Variants in SMO observed in about 807,000 individuals in gnomAD.
The protein encoded by SMO is smoothened, frizzled class receptor.
Under a neutral mutation model 81.6 loss-of-function variants are expected in SMO, and 40 were observed. The ratio of observed to expected loss-of-function variants is 0.49; its 90% CI spans 0.38 to 0.64. SMO has a LOEUF of 0.64. SMO is among the 30% of genes least tolerant of loss of function. The pLI is 0.00. For synonymous variants in SMO, 434 were observed against 432.1 expected (o/e 1.00, Z -0.05); for missense variants, 916 against 1,061.1 (o/e 0.86, Z 1.90).
At position 129,189,607 on chromosome 7, in the gene SMO, G is replaced by T; in HGVS notation, c.331+125G>T. On this transcript the variant is annotated intron_variant, in intron 1 of 11. Coordinates refer to ENST00000249373, the MANE Select transcript of SMO (RefSeq NM_005631.5). This position sits in a 1 kb window ranked among gnomAD's most constrained non-coding sequence, Gnocchi z 4.7. Reference sequence around the variant, plus strand: ...GGGGACAGCACCCGGGAGAGTTGGAGGGACAGATCCCGAAACTTTGGGGGC... The same window carrying T: ...GGGGACAGCACCCGGGAGAGTTGGATGGACAGATCCCGAAACTTTGGGGGC... 1 of 1,075,714 alleles carries T rather than the reference G, an allele frequency of 9.3e-7. No homozygotes were observed. Among genetic ancestry groups the T allele is most frequent in the South Asian group, 1.6e-5 (1 of 63,924 alleles). The allele number at this position is 1,075,714 out of a possible 1,614,324, so 66.6% of individuals were successfully genotyped here.
At position 129,210,621 on chromosome 7, in the gene SMO, G is replaced by A; in HGVS notation, c.1652+73G>A. ...CCTTGGGACCCCATCTTTAGGTTTT[G>A]TCGGGTCCTGCCTCTAGCACAGCCT... On this transcript the variant is annotated intron_variant, in intron 9 of 11. Coordinates refer to ENST00000249373, the MANE Select transcript of SMO (RefSeq NM_005631.5). This position sits in a 1 kb window ranked among gnomAD's most constrained non-coding sequence, Gnocchi z 4.7. 1 of 1,251,990 alleles carries A rather than the reference G, an allele frequency of 8.0e-7. No individual in the cohort carries two copies. The highest frequency in any genetic ancestry group is 1.2e-6 in the Non-Finnish European group (1 of 868,192). The allele number at this position is 1,251,990 out of a possible 1,614,324, so 77.6% of individuals were successfully genotyped here. A position where few individuals can be genotyped will look rare whatever the true frequency, so the allele number is the denominator to read the frequency against.
chr7:129,198,792 G>C (rs1793621341), intron 1 of SMO, among the ~76,000 whole-genome samples: 1 of 152,172 alleles, frequency 6.6e-6, no homozygotes, highest in African/African-American at 2.4e-5. Flanking sequence ...ATACCATCCA[G>C]GTTTGTGTAA....
Position 129,210,353 on chromosome 7 carries a change from C to T in SMO, c.1467-10C>T. ...GGAAAGCCTCACCTGTCTACGTTCC[C>T]TCACTGTAGATGTCAGGCCAATGTG... is the stretch of plus-strand genomic sequence containing the variant. On this transcript the variant is annotated splice_polypyrimidine_tract_variant and intron_variant, in intron 8 of 11. Transcript: ENST00000249373. This position sits in a 1 kb window ranked among gnomAD's most constrained non-coding sequence, Gnocchi z 4.7. 6.2e-7 allele frequency: 1 copy of T among 1,608,314 alleles called. No homozygotes were observed. Among genetic ancestry groups the T allele is most frequent in the Non-Finnish European group, 8.5e-7 (1 of 1,174,742 alleles).
At chr7:129,204,157 A>T (rs1401965073) in intron 2 of SMO, among the ~76,000 whole-genome samples, 1 of 151,872 alleles carries the variant, frequency 6.6e-6, no homozygotes, top group South Asian at 2.1e-4. Flanking sequence ...ACGTGGCAAA[A>T]CCCTGTCTCT....
Position 129,210,871 on chromosome 7 carries a change from C to A in SMO, c.1653-94C>A, listed in dbSNP as rs1793857620. 1.4e-6 allele frequency: 2 copies of A among 1,424,080 alleles called. No homozygotes were observed. The highest frequency in any genetic ancestry group is 4.6e-5 in the East Asian group (2 of 43,224). The allele number at this position is 1,424,080 out of a possible 1,614,324, so 88.2% of individuals were successfully genotyped here. On this transcript the variant is annotated intron_variant, in intron 9 of 11. Coordinates refer to ENST00000249373, the MANE Select transcript of SMO (RefSeq NM_005631.5). This position sits in a 1 kb window ranked among gnomAD's most constrained non-coding sequence, Gnocchi z 4.7. ...AGGACTTGAGGCCCTTGGGAGCCTCCTTCTCTGGAAAGAATGGCATCGCTG... is the reference window on the plus strand; with the variant it reads ...AGGACTTGAGGCCCTTGGGAGCCTCATTCTCTGGAAAGAATGGCATCGCTG...
rs1793846935 is a variant in SMO at position 129,210,244 on chromosome 7, G to A, written c.1467-119G>A. 1.3e-6 allele frequency: 1 copy of A among 772,018 alleles called. No homozygotes were observed. The highest frequency in any genetic ancestry group is 2.1e-6 in the Non-Finnish European group (1 of 466,126). The allele number at this position is 772,018 out of a possible 1,614,324, so 47.8% of individuals were successfully genotyped here. A position where few individuals can be genotyped will look rare whatever the true frequency, so the allele number is the denominator to read the frequency against. On this transcript the variant is annotated intron_variant, in intron 8 of 11. Transcript: ENST00000249373. The surrounding 1 kb of genome is among the most constrained non-coding windows in gnomAD (Gnocchi z 4.7). ...TGCCTGAGCCCAGGAGTTGGAAGCT[G>A]CAGTGGGTTGTGATCACGCCACCGC...
At chr7:129,201,585 TC>T (rs1433567256) in intron 1 of SMO, among the ~76,000 whole-genome samples, 1 of 152,162 alleles carries the variant, frequency 6.6e-6, no homozygotes, top group Non-Finnish European at 1.5e-5. Flanking sequence ...TGTAGGCAAA[TC>T]CTGCCCTCAC....
chr7:129,204,246 T>A (rs1793720850), intron 2 of SMO, among the ~76,000 whole-genome samples: 1 of 151,954 alleles, frequency 6.6e-6, no homozygotes, highest in Non-Finnish European at 1.5e-5. Flanking sequence ...GACACGAGAA[T>A]CGCTTGAACC....
intron 6 of SMO, among the ~76,000 whole-genome samples, chr7:129,207,698 G>T (rs980362910): frequency 1.3e-5 from 2 of 152,130 alleles, no homozygotes; most frequent in African/African-American, 4.8e-5. Context: ...TTCGAGACCA[G>T]CCTGAACAAC....
chr7:129,191,658 C>T (rs1236157728), intron 1 of SMO, among the ~76,000 whole-genome samples: 5 of 152,098 alleles, frequency 3.3e-5, no homozygotes, highest in African/African-American at 7.2e-5. Context: ...TATCATGTCC[C>T]GAGTTAATGA....
rs2703091 is a variant in SMO, at chr7:129,205,177, C to T, written c.538-26C>T. 1,319,476 of 1,607,106 alleles carry T rather than the reference C, an allele frequency of 0.82. 543,693 individuals carry two copies. Among genetic ancestry groups the T allele is most frequent in the Middle Eastern group, 0.88 (5,314 of 6,046 alleles). ...GGCTCGTCCCTGAGCTGCCTTGACA[C>T]CGTCTTTTCCCATCCCTGGTGCCAG... On this transcript the variant is annotated intron_variant, in intron 2 of 11. Transcript: ENST00000249373.
chr7:129,198,518 G>A (rs1793618499), intron 1 of SMO, among the ~76,000 whole-genome samples: 1 of 152,162 alleles, frequency 6.6e-6, no homozygotes, highest in Admixed American at 6.5e-5. Flanking sequence ...TGACAACATT[G>A]GACATCATTC....
rs752301811 is a variant in SMO, at chr7:129,189,465, A to G, written c.314A>G (p.Lys105Arg). Residue 105 changes from lysine to arginine, a missense_variant, in exon 1 of 12, where the codon AAG (lysine) becomes AGG (arginine). This residue lies in a region of SMO where 146 missense variants were observed against 149.9 expected (regional missense o/e 0.97). Transcript: ENST00000249373. The surrounding 1 kb of genome is among the most constrained non-coding windows in gnomAD (Gnocchi z 4.7). ...DSDSQEEAHG[K>R]LVLWSGLRNA... Reference sequence around the variant, plus strand: ...GACTCCCAGGAGGAAGCGCACGGCAAGCTCGTGCTCTGGTCGGGTAAGTGC... The same window carrying G: ...GACTCCCAGGAGGAAGCGCACGGCAGGCTCGTGCTCTGGTCGGGTAAGTGC... 6.5e-7 allele frequency: 1 copy of G among 1,537,728 alleles called. No individual in the cohort carries two copies. The highest frequency in any genetic ancestry group is 8.7e-7 in the Non-Finnish European group (1 of 1,146,770).
In SMO at chr7:129,208,631, G is replaced by A; in HGVS notation, c.1265-128G>A. The A allele has an allele frequency of 3.2e-6, 2 of 629,214 alleles. No homozygotes were observed. The highest frequency in any genetic ancestry group is 5.8e-6 in the Non-Finnish European group (2 of 342,110). The allele number at this position is 629,214 out of a possible 1,614,324, so 39.0% of individuals were successfully genotyped here. ...TTCTCCAGTGTCTCTAGCTCCCCAG[G>A]TTTTCATTTAGCACAGGGGTAATCA... On this transcript the variant is annotated intron_variant, in intron 6 of 11. Coordinates refer to ENST00000249373, the MANE Select transcript of SMO (RefSeq NM_005631.5). This position sits in a 1 kb window ranked among gnomAD's most constrained non-coding sequence, Gnocchi z 5.2.
At chr7:129,196,429 C>T (rs1228625528) in intron 1 of SMO, among the ~76,000 whole-genome samples, 1 of 151,598 alleles carries the variant, frequency 6.6e-6, no homozygotes, top group African/African-American at 2.4e-5. Context: ...ATCCTCCTGC[C>T]TTGGCCTCCC....
chr7:129,193,969 A>C (rs1409320821), intron 1 of SMO, among the ~76,000 whole-genome samples: 1 of 148,478 alleles, frequency 6.7e-6, no homozygotes, highest in Non-Finnish European at 1.5e-5. Flanking sequence ...GCATGTTGGC[A>C]CACACCTGTG....
rs1793763648 is a variant in SMO, at chr7:129,206,238, T to A, written c.1009T>A (p.Tyr337Asn). Residue 337 changes from tyrosine (Y) to asparagine (N), a missense_variant, in exon 5 of 12, where the codon TAT (tyrosine) becomes AAT (asparagine). Transcript: ENST00000249373. The surrounding 1 kb of genome is among the most constrained non-coding windows in gnomAD (Gnocchi z 4.4). ...AGVVWFVVLT[Y>N]AWHTSFKALG... ...TGTGGTTTGGTTTGTGGTCCTCACC[T>A]ATGCCTGGCACACTTCCTTCAAAGC... 1.2e-6 allele frequency: 2 copies of A among 1,614,072 alleles called. No individual in the cohort carries two copies. Among genetic ancestry groups the A allele is most frequent in the African/African-American group, 2.7e-5 (2 of 74,932 alleles).
chr7:129,206,735 A>T lies in SMO; in HGVS notation c.1264+148A>T. On this transcript the variant is annotated intron_variant, in intron 6 of 11. Transcript: ENST00000249373. This position sits in a 1 kb window ranked among gnomAD's most constrained non-coding sequence, Gnocchi z 4.4. ...TTCACACAGTAGAAGGTGACCCTCT[A>T]GGCAGACGAAACACCGTGAGCACTT... 1.3e-6 allele frequency: 1 copy of T among 791,436 alleles called. No individual in the cohort carries two copies. The highest frequency in any genetic ancestry group is 2.0e-6 in the Non-Finnish European group (1 of 495,076). 49.0% of individuals were successfully genotyped at this position (791,436 alleles called of 1,614,324 possible).
At position 129,189,579 on chromosome 7, in the gene SMO, G is replaced by T; in HGVS notation, c.331+97G>T. 2.3e-6 allele frequency: 3 copies of T among 1,332,850 alleles called. No individual in the cohort carries two copies. Among genetic ancestry groups the T allele is most frequent in the Non-Finnish European group, 3.1e-6 (3 of 980,602 alleles). The allele number at this position is 1,332,850 out of a possible 1,614,324, so 82.6% of individuals were successfully genotyped here. ...AGGCTCAGGCCTGAGTTTTGGAGAG[G>T]GCGGGGACAGCACCCGGGAGAGTTG... is the stretch of plus-strand genomic sequence containing the variant. On this transcript the variant is annotated intron_variant, in intron 1 of 11. Transcript: ENST00000249373. The surrounding 1 kb of genome is among the most constrained non-coding windows in gnomAD (Gnocchi z 4.7).
Sources: allele counts gnomAD v4.1 joint callset (sites outside exome capture counted in the v4.1 genomes callset), GRCh38; gene constraint gnomAD v4.1.1; regional missense constraint gnomAD v4.1.1; non-coding constraint Gnocchi (gnomAD v3.1); transcripts MANE v1.5; gene names NCBI Gene and HGNC (gene_info 2026-07-23, HGNC 2026-07-21).